Variants in GALNT13 observed in about 807,000 individuals in gnomAD.
GALNT13 encodes the protein polypeptide N-acetylgalactosaminyltransferase 13, also known as UDP-GalNAc:polypeptide N-acetylgalactosaminyltransferase 13.
In GALNT13, 28 loss-of-function variants were observed where a neutral mutation model predicts 64.2. That is an observed-to-expected ratio of 0.44 (90% CI 0.32 to 0.60). The LOEUF (loss-of-function observed/expected upper bound fraction) is 0.60. Ranked by LOEUF, GALNT13 falls within the 20% of genes least tolerant of loss-of-function variation. The pLI is 0.05. For missense variants in GALNT13, 577 were observed against 669.8 expected, an observed-to-expected ratio of 0.86 and a Z score of 1.53; for synonymous variants, 214 against 224.6, an observed-to-expected ratio of 0.95 and a Z score of 0.42.
chr2:153,675,318 T>C, the GALNT13 span, among the ~76,000 whole-genome samples: 1 of 152,204 alleles, frequency 6.6e-6, no homozygotes, highest in Non-Finnish European at 1.5e-5. Flanking sequence ...AATAATAGAC[T>C]GGATAAAGAA....
the GALNT13 span, among the ~76,000 whole-genome samples, chr2:153,238,972 G>T: frequency 6.6e-6 from 1 of 151,958 alleles, no homozygotes; most frequent in African/African-American, 2.4e-5. Flanking sequence ...TCCAATCCTT[G>T]CACATGGAAT....
At chr2:153,942,223 G>A (rs1691389212) in intron 2 of GALNT13, among the ~76,000 whole-genome samples, 1 of 152,086 alleles carries the variant, frequency 6.6e-6, no homozygotes, top group South Asian at 2.1e-4. Context: ...ATAAACAAAT[G>A]AAGCACTGAG....
At chr2:153,865,406 A>G in the GALNT13 span, among the ~76,000 whole-genome samples, 1 of 143,844 alleles carries the variant, frequency 7.0e-6, no homozygotes, top group Non-Finnish European at 1.5e-5. Flanking sequence ...TTCGCAGCCT[A>G]CTCATCTGAC....
intron 3 of GALNT13, among the ~76,000 whole-genome samples, chr2:153,973,582 T>C (rs1416558541): frequency 6.6e-6 from 1 of 152,018 alleles, no homozygotes; most frequent in African/African-American, 2.4e-5. Context: ...TAGCTATTTA[T>C]GTGCTTTTCT....
chr2:153,646,940 T>G, the GALNT13 span, among the ~76,000 whole-genome samples: 2 of 152,182 alleles, frequency 1.3e-5, no homozygotes, highest in African/African-American at 4.8e-5. Flanking sequence ...CCATGTGTCT[T>G]TATAGCAGCA....
At chr2:153,263,025 A>G in the GALNT13 span, among the ~76,000 whole-genome samples, 5 of 152,112 alleles carry the variant, frequency 3.3e-5, no homozygotes, top group South Asian at 6.2e-4. Context: ...CTGTATAGAT[A>G]TAATCCTATA....
the GALNT13 span, among the ~76,000 whole-genome samples, chr2:153,773,036 ACT>A: frequency 6.6e-6 from 1 of 152,096 alleles, no homozygotes; most frequent in East Asian, 1.9e-4. Flanking sequence ...ACAGAATGTG[ACT>A]CTGCAATTGG....
intron 1 of GALNT13, among the ~76,000 whole-genome samples, chr2:153,894,972 G>T (rs1288004522): frequency 1.3e-5 from 2 of 152,094 alleles, no homozygotes; most frequent in Non-Finnish European, 2.9e-5. Flanking sequence ...AAGACTAAAA[G>T]TGTTTATTGG....
At chr2:153,129,902 G>T in the GALNT13 span, among the ~76,000 whole-genome samples, 1 of 152,158 alleles carries the variant, frequency 6.6e-6, no homozygotes, top group Admixed American at 6.5e-5. Flanking sequence ...ATTAGGATTA[G>T]AATAAGTCTT....
chr2:153,859,506 T>A, the GALNT13 span, among the ~76,000 whole-genome samples: 3 of 152,184 alleles, frequency 2.0e-5, no homozygotes, highest in Non-Finnish European at 4.4e-5. Flanking sequence ...GCTTTCATTT[T>A]TCTGTCCTGA....
chr2:153,509,246 C>T, the GALNT13 span, among the ~76,000 whole-genome samples: 1 of 152,198 alleles, frequency 6.6e-6, no homozygotes, highest in Non-Finnish European at 1.5e-5. Context: ...CTGCCTCAGT[C>T]AGCAGCCATG....
Position 154,142,434 on chromosome 2 carries a change from A to G in GALNT13, c.311+1929A>G, listed in dbSNP as rs111480807. On this transcript the variant is annotated intron_variant, in intron 4 of 12. Coordinates refer to ENST00000392825, the MANE Select transcript of GALNT13 (RefSeq NM_052917.4). Reference sequence around the variant, plus strand: ...CGTGGTGTTGCATGCCTGTAATCCCAGCTACTCAGGAGGCTGAGGCAGGAG... The same window carrying G: ...CGTGGTGTTGCATGCCTGTAATCCCGGCTACTCAGGAGGCTGAGGCAGGAG... 2.0e-5 allele frequency among the ~76,000 whole-genome samples: 3 copies of G among 151,404 alleles called. 1 individual carries two copies. The highest frequency in any genetic ancestry group is 7.3e-5 in the African/African-American group (3 of 41,298).
At chr2:153,457,155 A>G in the GALNT13 span, among the ~76,000 whole-genome samples, 1 of 152,192 alleles carries the variant, frequency 6.6e-6, no homozygotes, top group Admixed American at 6.5e-5. Context: ...TGAAGATTTC[A>G]TGCCTTCTGA....
At chr2:153,130,516 C>T in the GALNT13 span, among the ~76,000 whole-genome samples, 3 of 152,054 alleles carry the variant, frequency 2.0e-5, no homozygotes, top group Admixed American at 2.0e-4. Flanking sequence ...TTGAGAATCA[C>T]CACCCATCAC....
At chr2:153,492,615 CAG>C in the GALNT13 span, among the ~76,000 whole-genome samples, 25 of 152,216 alleles carry the variant, frequency 1.6e-4, no homozygotes, top group East Asian at 4.6e-3. Flanking sequence ...ACAAAAACAA[CAG>C]AGGAAAAACG....
chr2:153,453,897 A>G, the GALNT13 span, among the ~76,000 whole-genome samples: 43 of 152,236 alleles, frequency 2.8e-4, no homozygotes, highest in Non-Finnish European at 5.0e-4. Flanking sequence ...TTGGATGAAG[A>G]AAATGTAGTA....
chr2:153,887,093 T>C (rs1408436655), intron 1 of GALNT13, among the ~76,000 whole-genome samples: 2 of 151,912 alleles, frequency 1.3e-5, no homozygotes, highest in Admixed American at 1.3e-4. Context: ...ACAACCCAGG[T>C]CTCTTACTGG....
the GALNT13 span, among the ~76,000 whole-genome samples, chr2:153,750,486 T>C: frequency 6.6e-6 from 1 of 151,802 alleles, no homozygotes; most frequent in African/African-American, 2.4e-5. Flanking sequence ...TTTTATTACG[T>C]TTTGATATTG....
At chr2:154,106,360 T>C (rs1022594188) in intron 3 of GALNT13, among the ~76,000 whole-genome samples, 2 of 152,176 alleles carry the variant, frequency 1.3e-5, no homozygotes, top group African/African-American at 4.8e-5. Context: ...TGGTAAAACA[T>C]GTCAGATCTT....
Sources: gnomAD v4.1 joint callset for allele counts (sites outside exome capture counted in the v4.1 genomes callset) on GRCh38, gnomAD v4.1.1 for gene constraint, MANE v1.5 for transcripts, NCBI Gene and HGNC (gene_info 2026-07-23, HGNC 2026-07-21) for gene names.